ANKRD26: variants seen among roughly 807,000 people sequenced by gnomAD.
The protein encoded by ANKRD26 is ankyrin repeat domain 26.
Under a neutral mutation model 208.7 loss-of-function variants are expected in ANKRD26, and 141 were observed. The ratio of observed to expected loss-of-function variants is 0.68; its 90% CI spans 0.59 to 0.78. ANKRD26 has a LOEUF of 0.78. Ranked by LOEUF, ANKRD26 falls within the 30% of genes least tolerant of loss-of-function variation. ANKRD26 has a pLI of 0.00. For synonymous variants in ANKRD26, 636 were observed against 660.4 expected (o/e 0.96, Z 0.57); for missense variants, 1,889 against 1,938.7 (o/e 0.97, Z 0.48).
In ANKRD26 at chr10:27,012,862, A is replaced by C; in HGVS notation, c.4953+20T>G. On this transcript the variant is annotated intron_variant, in intron 32 of 33. Transcript: ENST00000376087. ...CATGAGAAATTTGAAACCCAAAGGA[A>C]AAAAGACAACATAACTAACCTTGCT... The C allele has an allele frequency of 1.2e-6, 2 of 1,602,976 alleles. No homozygotes were observed. The highest frequency in any genetic ancestry group is 1.7e-6 in the Non-Finnish European group (2 of 1,170,138).
At chr10:26,958,073 TTA>T in the ANKRD26 span, among the ~76,000 whole-genome samples, 8 of 144,156 alleles carry the variant, frequency 5.5e-5, no homozygotes, top group Admixed American at 6.9e-5. Context: ...TCACCCAGTT[TTA>T]TATATATATA....
intron 17 of ANKRD26, among the ~76,000 whole-genome samples, chr10:27,047,725 A>ACTACTACTAC (rs1174510554): frequency 2.8e-4 from 39 of 140,090 alleles, no homozygotes; most frequent in African/African-American, 9.5e-4. Flanking sequence ...ACTACTACTA[A>ACTACTACTAC]TAATAATAAT....
chr10:27,066,854 C>T (rs1172378421), intron 10 of ANKRD26, among the ~76,000 whole-genome samples: 2 of 151,496 alleles, frequency 1.3e-5, no homozygotes, highest in Admixed American at 6.6e-5. Flanking sequence ...GATGCCCAGG[C>T]TGGAGTGCAG....
intron 5 of ANKRD26, among the ~76,000 whole-genome samples, chr10:27,085,737 C>G (rs2056092916): frequency 6.6e-6 from 1 of 152,068 alleles, no homozygotes; most frequent in Non-Finnish European, 1.5e-5. Context: ...TTGAACTGCA[C>G]AAATCCACCT....
chr10:26,973,876 C>A (rs547193912), exon 6 of ANKRD26, among the ~76,000 whole-genome samples: 1 of 151,614 alleles, frequency 6.6e-6, no homozygotes, highest in African/African-American at 2.4e-5. Flanking sequence ...AGGCTGGTCT[C>A]GAACTCTTGA....
intron 4 of ANKRD26, among the ~76,000 whole-genome samples, chr10:26,996,881 C>T (rs58885200): frequency 0.021 from 3,213 of 152,176 alleles, 173 homozygotes; most frequent in East Asian, 0.17. Context: ...CTCTCTTCTC[C>T]GCTAATGTTT....
chr10:27,028,312 AGTGGCCGGGCACT>A (rs991310489), intron 27 of ANKRD26, among the ~76,000 whole-genome samples: 6 of 152,174 alleles, frequency 3.9e-5, no homozygotes, highest in Admixed American at 3.3e-4. Flanking sequence ...TATTCATAAA[AGTGGCCGGGCACT>A]GTGGCTCATA....
chr10:27,019,851 T>C (rs2135000834), intron 29 of ANKRD26, among the ~76,000 whole-genome samples: 1 of 152,360 alleles, frequency 6.6e-6, no homozygotes, highest in African/African-American at 2.4e-5. Context: ...AATTTATGGC[T>C]TAAAACAACA....
intron 15 of ANKRD26, among the ~76,000 whole-genome samples, 196 bp downstream of exon 15, chr10:27,060,149 G>A (rs538788816): frequency 1.3e-5 from 2 of 152,176 alleles, no homozygotes; most frequent in Non-Finnish European, 2.9e-5. Context: ...GTTGCAGTGA[G>A]CCGAGATCAC....
chr10:27,100,237 C>T lies in ANKRD26; in HGVS notation c.90G>A (p.Pro30=). ...QRSSAGGGGE[P]GEGAYSQPGY... ...CGGGCTGCGAGTAGGCGCCCTCCCC[C>T]GGCTCGCCCCCGCCTCCCGCGCTGC... Residue 30 remains proline (P), a synonymous_variant, in exon 1 of 34, where the codon CCG becomes CCA. Transcript: ENST00000376087. The T allele has an allele frequency of 1.9e-6, 3 of 1,612,212 alleles. No homozygotes were observed. The highest frequency in any genetic ancestry group is 2.5e-6 in the Non-Finnish European group (3 of 1,179,754).
rs1167161502 is a variant in ANKRD26 at position 26,980,081 on chromosome 10, C to T, written c.*281+495G>A. The stretch of plus-strand genomic sequence containing the variant: ...GTTTTGAAAGTTTGCATTTAATAAG[C>T]GCCATTTTTATTGTTCTCAAGGCAA... On this transcript the variant is annotated intron_variant and NMD_transcript_variant, in intron 5 of 5. Coordinates refer to the ANKRD26 transcript ENST00000674670. Among the ~76,000 whole-genome samples the T allele has an allele frequency of 8.5e-5, 13 of 152,112 alleles. No homozygotes were observed. In the East Asian group the frequency reaches 1.7e-3, roughly 20 times the overall value.
chr10:27,083,607 C>A (rs1489758196), intron 5 of ANKRD26, among the ~76,000 whole-genome samples: 1 of 152,114 alleles, frequency 6.6e-6, no homozygotes, highest in African/African-American at 2.4e-5. Flanking sequence ...AACTGAGCTT[C>A]CTAACTTTAT....
At chr10:26,979,034 A>G (rs2052268621) in intron 5 of ANKRD26, among the ~76,000 whole-genome samples, 1 of 152,130 alleles carries the variant, frequency 6.6e-6, no homozygotes, top group Non-Finnish European at 1.5e-5. Context: ...CATCTTGCCT[A>G]ACACAGTGAA....
At chr10:26,996,590 G>A (rs1245732119) in intron 4 of ANKRD26, among the ~76,000 whole-genome samples, 1 of 152,140 alleles carries the variant, frequency 6.6e-6, no homozygotes, top group Non-Finnish European at 1.5e-5. Flanking sequence ...CTACCATTTG[G>A]TTTTTCTACA....
At chr10:27,011,246 A>C (rs574897814) in intron 32 of ANKRD26, among the ~76,000 whole-genome samples, 1 of 152,288 alleles carries the variant, frequency 6.6e-6, no homozygotes, top group African/African-American at 2.4e-5. Context: ...TGTTCAAACA[A>C]ATGTTTTATG....
chr10:27,067,060 G>A (rs2055277950), intron 10 of ANKRD26, 97 bp downstream of exon 10: 10 of 1,414,478 alleles, frequency 7.1e-6, no homozygotes, highest in Non-Finnish European at 9.8e-6. Flanking sequence ...ACCTGCCTCA[G>A]CCTCCCAAAG....
chr10:27,057,086 G>A (rs1351803208), intron 15 of ANKRD26, among the ~76,000 whole-genome samples: 1 of 152,054 alleles, frequency 6.6e-6, no homozygotes, highest in Non-Finnish European at 1.5e-5. Flanking sequence ...TATTACTGAG[G>A]GTCAAACTAG....
At chr10:27,022,736 T>G in intron 28 of ANKRD26, 49 bp from the exon 29 acceptor site, 2 of 1,500,572 alleles carry the variant, frequency 1.3e-6, no homozygotes, top group African/African-American at 2.8e-5. Flanking sequence ...AAGGCAAACA[T>G]TTAATAATTA....
chr10:27,092,892 G>A (rs1257986046), intron 3 of ANKRD26, among the ~76,000 whole-genome samples: 1 of 152,108 alleles, frequency 6.6e-6, no homozygotes, highest in Non-Finnish European at 1.5e-5. Flanking sequence ...AGGCCCGCCT[G>A]GCCAACATGG....
Sources: allele counts gnomAD v4.1 joint callset (sites outside exome capture counted in the v4.1 genomes callset), GRCh38; gene constraint gnomAD v4.1.1; transcripts MANE v1.5; gene names NCBI Gene and HGNC (gene_info 2026-07-23, HGNC 2026-07-21).